SLC39A11: variants seen among roughly 807,000 people sequenced by gnomAD.
SLC39A11 encodes solute carrier family 39 member 11, also known as zinc transporter ZIP11.
SLC39A11 carries 33 observed loss-of-function variants against 36.1 expected under a neutral mutation model. That is an observed-to-expected ratio of 0.91 (90% CI 0.69 to 1.22). The LOEUF is 1.22. Among genes scored for constraint, SLC39A11 ranks in the 50% most tolerant of loss-of-function variants. The pLI, the probability that SLC39A11 is intolerant of heterozygous loss-of-function variation, is 0.00. For missense variants in SLC39A11, 432 were observed against 430.3 expected (o/e 1.00, Z -0.03); for synonymous variants, 166 against 170.3 (o/e 0.97, Z 0.20).
At chr17:73,077,632 G>A (rs1049852683) in intron 3 of SLC39A11, among the ~76,000 whole-genome samples, 3 of 152,112 alleles carry the variant, frequency 2.0e-5, no homozygotes, top group African/African-American at 7.2e-5. Context: ...CTGGCTCAAG[G>A]ACAATTTTAG....
chr17:72,907,034 G>T (rs975459423), intron 5 of SLC39A11, among the ~76,000 whole-genome samples: 5 of 152,178 alleles, frequency 3.3e-5, no homozygotes, highest in African/African-American at 1.2e-4. Context: ...GAAGGAAAAT[G>T]GGCTGATTAA....
intron 7 of SLC39A11, among the ~76,000 whole-genome samples, chr17:72,681,170 G>A (rs142265687): frequency 1.3e-3 from 193 of 152,166 alleles, no homozygotes; most frequent in Middle Eastern, 3.4e-3. Flanking sequence ...CAGGTGACCC[G>A]CCCACCTCGG....
chr17:73,048,576 C>T (rs920004718), intron 3 of SLC39A11, among the ~76,000 whole-genome samples: 27 of 152,284 alleles, frequency 1.8e-4, no homozygotes, highest in African/African-American at 6.3e-4. Flanking sequence ...CTGGGTCAAA[C>T]GGTAGCTCTG....
chr17:72,979,315 T>C (rs2088113930), intron 4 of SLC39A11, among the ~76,000 whole-genome samples: 3 of 151,790 alleles, frequency 2.0e-5, no homozygotes, highest in Admixed American at 2.0e-4. Context: ...CCTTTATAAA[T>C]TACCCAGTCT....
At chr17:73,046,699 C>T (rs754377842) in intron 3 of SLC39A11, among the ~76,000 whole-genome samples, 24 of 152,018 alleles carry the variant, frequency 1.6e-4, no homozygotes, top group African/African-American at 2.7e-4. Flanking sequence ...CCCAGCACTT[C>T]GGGAGGTCGA....
At chr17:72,848,423 C>T (rs1341305792) in intron 6 of SLC39A11, among the ~76,000 whole-genome samples, 2 of 152,032 alleles carry the variant, frequency 1.3e-5, no homozygotes, top group Non-Finnish European at 2.9e-5. Context: ...TAAAATACAT[C>T]TAAAGACATA....
chr17:72,846,018 CTTTTTTTTT>C (rs569100122), intron 6 of SLC39A11, among the ~76,000 whole-genome samples: 22 of 57,954 alleles, frequency 3.8e-4, no homozygotes, highest in Admixed American at 8.6e-4. Context: ...CTCTCTCTCT[CTTTTTTTTT>C]TTTTTTTTTT....
chr17:72,697,891 G>A (rs1337350491), intron 7 of SLC39A11, among the ~76,000 whole-genome samples: 1 of 152,160 alleles, frequency 6.6e-6, no homozygotes. Flanking sequence ...CCCCAGGGCT[G>A]GGCAATTTAT....
intron 7 of SLC39A11, among the ~76,000 whole-genome samples, chr17:72,661,784 C>T (rs1000432670): frequency 5.3e-5 from 8 of 152,094 alleles, no homozygotes; most frequent in South Asian, 2.1e-4. Context: ...TGCAGGCTGG[C>T]GAGATGAGAT....
At chr17:72,763,708 G>T (rs1433230855) in intron 6 of SLC39A11, among the ~76,000 whole-genome samples, 1 of 152,170 alleles carries the variant, frequency 6.6e-6, no homozygotes, top group East Asian at 1.9e-4. Flanking sequence ...TCTGTACCAG[G>T]AATTTGCTTA....
At chr17:72,853,627 A>C (rs1368943387) in intron 5 of SLC39A11, among the ~76,000 whole-genome samples, 1 of 152,140 alleles carries the variant, frequency 6.6e-6, no homozygotes, top group Non-Finnish European at 1.5e-5. Context: ...CAATGTGTGA[A>C]AACTGACGTC....
intron 6 of SLC39A11, among the ~76,000 whole-genome samples, chr17:72,809,203 CTCTCTCT>C (rs2077359369): frequency 2.9e-4 from 41 of 143,838 alleles, no homozygotes; most frequent in Non-Finnish European, 4.4e-4. Context: ...TTTTCTTTCT[CTCTCTCT>C]CTCTCTCTCT....
At chr17:73,084,696 AAC>A (rs2060662096) in intron 3 of SLC39A11, 110 bp downstream of exon 3, 10 of 961,672 alleles carry the variant, frequency 1.0e-5, no homozygotes, top group Non-Finnish European at 1.5e-5. Context: ...GTGCCTGAGG[AAC>A]ACAGAGATGC....
chr17:72,847,754 G>T (rs765644053), intron 6 of SLC39A11, among the ~76,000 whole-genome samples: 3 of 152,086 alleles, frequency 2.0e-5, no homozygotes, highest in Non-Finnish European at 4.4e-5. Context: ...TTATACAGAG[G>T]AACAGACTCA....
At chr17:72,922,987 AAAAC>A (rs75877874) in intron 5 of SLC39A11, among the ~76,000 whole-genome samples, 1 of 149,562 alleles carries the variant, frequency 6.7e-6, no homozygotes, top group Non-Finnish European at 1.5e-5. Context: ...AAAAAAAAAA[AAAAC>A]ACACAGAAAA....
intron 5 of SLC39A11, among the ~76,000 whole-genome samples, chr17:72,943,926 G>C (rs904436036): frequency 2.0e-5 from 3 of 152,154 alleles, no homozygotes; most frequent in Non-Finnish European, 4.4e-5. Context: ...TACAACCACA[G>C]GGGGAACCTA....
chr17:73,074,627 C>G (rs1235553452), intron 3 of SLC39A11, among the ~76,000 whole-genome samples: 1 of 152,134 alleles, frequency 6.6e-6, no homozygotes, highest in Admixed American at 6.5e-5. Context: ...TTCTTTCCAT[C>G]CAGCTCTCTT....
intron 7 of SLC39A11, among the ~76,000 whole-genome samples, chr17:72,727,651 C>CAAAAA (rs57874434): frequency 1.2e-4 from 9 of 73,154 alleles, no homozygotes; most frequent in Non-Finnish European, 2.1e-4. Flanking sequence ...GACTCCGTCT[C>CAAAAA]AAAAAAAAAA....
intron 7 of SLC39A11, among the ~76,000 whole-genome samples, chr17:72,650,929 G>T (rs1412012507): frequency 6.6e-6 from 1 of 152,166 alleles, no homozygotes; most frequent in Non-Finnish European, 1.5e-5. Context: ...CTCTAACAAA[G>T]AACACCAAGG....
Sources: gnomAD v4.1 joint callset for allele counts (sites outside exome capture counted in the v4.1 genomes callset) on GRCh38, gnomAD v4.1.1 for gene constraint, MANE v1.5 for transcripts, NCBI Gene and HGNC (gene_info 2026-07-23, HGNC 2026-07-21) for gene names.